SYNPO2L: variants seen among roughly 807,000 people sequenced by gnomAD.
SYNPO2L encodes the protein synaptopodin 2-like protein.
Under a neutral mutation model 47.5 loss-of-function variants are expected in SYNPO2L, and 34 were observed. The observed-to-expected ratio is 0.72, with a 90% CI of 0.54 to 0.95. SYNPO2L has a LOEUF of 0.95. Ranked by LOEUF, SYNPO2L falls within the 40% of genes least tolerant of loss-of-function variation. The pLI, the probability that SYNPO2L is intolerant of heterozygous loss-of-function variation, is 0.00. For synonymous variants in SYNPO2L, 536 were observed against 524.9 expected, an observed-to-expected ratio of 1.02 and a Z score of -0.29; for missense variants, 1,246 against 1,282.0, an observed-to-expected ratio of 0.97 and a Z score of 0.43.
At position 73,653,994 on chromosome 10, in the gene SYNPO2L, A is replaced by G. The variant is rs535919928; in HGVS notation, c.257+135T>C. 1.5e-4 allele frequency: 173 copies of G among 1,182,746 alleles called. No individual in the cohort carries two copies. The African/African-American group carries it at 2.5e-3, about 17-fold the overall frequency. 73.3% of individuals were successfully genotyped at this position (1,182,746 alleles called of 1,614,324 possible). A position where few individuals can be genotyped will look rare whatever the true frequency, so the allele number is the denominator to read the frequency against. ...GCCCTCTGGGAGGCAGACACAAACC[A>G]TCTGCACTCCAGCAGAAACGCACGA... On this transcript the variant is annotated intron_variant, in intron 2 of 3. Transcript: ENST00000394810.
At position 73,646,996 on chromosome 10, in the gene SYNPO2L, C is replaced by A; in HGVS notation, c.2656G>T (p.Glu886Ter). ...GCCGGAGTGGAAAACCGGCGAATCT[C>A]CTGGACTCGGGCAGTTTTGGGGGAC... Reference protein sequence around the residue: ...SGSPKTARVQEIRRFSTPAPQ... With the variant: ...SGSPKTARVQ The change falls in exon 4 of 4, where the codon GAG becomes TAG. Residue 886 changes from glutamate (E) to a stop codon, truncating the protein, a stop_gained. Transcript: ENST00000394810. LOFTEE classifies it high-confidence loss of function. 6.2e-7 allele frequency: 1 copy of A among 1,613,260 alleles called. No individual in the cohort carries two copies. The highest frequency in any genetic ancestry group is 1.1e-5 in the South Asian group (1 of 91,028).
chr10:73,645,503 G>A lies in SYNPO2L; in HGVS notation c.*1215C>T, dbSNP rs1230084773. On this transcript the variant is annotated 3_prime_UTR_variant, in exon 4 of 4. Transcript: ENST00000394810. The stretch of plus-strand genomic sequence containing the variant: ...TGAAGCCAATGATTTGTTCATTCTC[G>A]GAGGGAATTTTCTTTCTTTTTTTCA... 3 of 991,652 alleles carry A rather than the reference G, an allele frequency of 3.0e-6. No individual in the cohort carries two copies. Among genetic ancestry groups the A allele is most frequent in the South Asian group, 4.6e-5 (1 of 21,816 alleles). 61.4% of individuals were successfully genotyped at this position (991,652 alleles called of 1,614,324 possible).
In SYNPO2L at chr10:73,656,011, C is replaced by T. The variant is rs567984072; in HGVS notation, c.-89G>A. ...TCGAACCCCGTCTGGGCTTCCTGTC[C>T]GGCTGTCCTGCTCCTGCTGCCCCAG... On this transcript the variant is annotated 5_prime_UTR_variant, in exon 1 of 4. Coordinates refer to ENST00000394810, the MANE Select transcript of SYNPO2L (RefSeq NM_001114133.3). The T allele has an allele frequency of 3.5e-5, 40 of 1,145,042 alleles. No homozygotes were observed. Among genetic ancestry groups the T allele is most frequent in the African/African-American group, 3.0e-4 (19 of 63,826 alleles). The allele number at this position is 1,145,042 out of a possible 1,614,324, so 70.9% of individuals were successfully genotyped here.
In SYNPO2L at chr10:73,645,185, TCA is replaced by T. The variant is rs1400410529; in HGVS notation, c.*1531_*1532del. 1.7e-6 allele frequency: 2 copies of T among 1,162,972 alleles called. No homozygotes were observed. Among genetic ancestry groups the T allele is most frequent in the Non-Finnish European group, 2.2e-6 (2 of 929,348 alleles). 72.0% of individuals were successfully genotyped at this position (1,162,972 alleles called of 1,614,324 possible). The stretch of plus-strand genomic sequence containing the variant: ...CACTGAAGAACAGACTCAAGGAAAA[TCA>T]CACAGACACCAACCGTTCTTTCAAC... On this transcript the variant is annotated 3_prime_UTR_variant, in exon 4 of 4. Transcript: ENST00000394810.
chr10:73,651,307 TG>T (rs888423207), intron 3 of SYNPO2L, among the ~76,000 whole-genome samples: 15 of 151,988 alleles, frequency 9.9e-5, no homozygotes, highest in African/African-American at 3.6e-4. Context: ...GGGAGATAAG[TG>T]GAGAATTGAG....
At chr10:73,649,262 C>G (rs907232596) in intron 3 of SYNPO2L, among the ~76,000 whole-genome samples, 6 of 152,158 alleles carry the variant, frequency 3.9e-5, no homozygotes, top group Non-Finnish European at 8.8e-5. Context: ...CCGTGGCAGA[C>G]AGGGAGATAA....
At position 73,646,859 on chromosome 10, in the gene SYNPO2L, G is replaced by T. The variant is rs752275030; in HGVS notation, c.2793C>A (p.Ser931Arg). Residue 931 changes from serine (S) to arginine (R), a missense_variant, in exon 4 of 4, where the codon AGC (serine) becomes AGA (arginine). Coordinates refer to ENST00000394810, the MANE Select transcript of SYNPO2L (RefSeq NM_001114133.3). Reference protein sequence around the residue: ...RTELASAPVPSPAPPPEAPRG... With the variant: ...RTELASAPVPRPAPPPEAPRG... ...TGGGAGCCTCTGGAGGAGGGGCTGG[G>T]CTAGGAACAGGGGCTGAGGCCAGTT... 3.9e-5 allele frequency: 61 copies of T among 1,558,532 alleles called. No homozygotes were observed. In the East Asian group the frequency reaches 1.1e-3, roughly 28 times the overall value.
In SYNPO2L at chr10:73,648,695, T is replaced by C. The variant is rs772966189; in HGVS notation, c.957A>G (p.Thr319=). The change falls in exon 4 of 4, where the codon ACA becomes ACG. Residue 319 remains threonine, a synonymous_variant. Coordinates refer to ENST00000394810, the MANE Select transcript of SYNPO2L (RefSeq NM_001114133.3). ...GAACGCCGTCCTCCTCCTCAGCGCCTGTCCCAGCAGCAGCCCCGAAGCTCA... is the reference window on the plus strand; with the variant it reads ...GAACGCCGTCCTCCTCCTCAGCGCCCGTCCCAGCAGCAGCCCCGAAGCTCA... The part of the protein sequence containing the change: ...TLVSFGAAAG[T]GAEEEDGVPP... 2.5e-6 allele frequency: 4 copies of C among 1,609,994 alleles called. No individual in the cohort carries two copies. Among genetic ancestry groups the C allele is most frequent in the Admixed American group, 1.7e-5 (1 of 59,920 alleles).
rs1182379591 is a variant in SYNPO2L at position 73,645,066 on chromosome 10, G to A, written c.*1652C>T. ...TGAAGCTGAAAAGAAGCAATAGCTGGGGTTTTGAGGGATGGGGTGGGACTG... is the reference window on the plus strand; with the variant it reads ...TGAAGCTGAAAAGAAGCAATAGCTGAGGTTTTGAGGGATGGGGTGGGACTG... On this transcript the variant is annotated 3_prime_UTR_variant, in exon 4 of 4. Transcript: ENST00000394810. The A allele has an allele frequency of 7.9e-7, 1 of 1,261,638 alleles. No individual in the cohort carries two copies. The highest frequency in any genetic ancestry group is 1.6e-5 in the African/African-American group (1 of 62,762). The allele number at this position is 1,261,638 out of a possible 1,614,324, so 78.2% of individuals were successfully genotyped here.
chr10:73,650,678 C>T (rs943226330), intron 3 of SYNPO2L: 26 of 985,146 alleles, frequency 2.6e-5, no homozygotes, highest in African/African-American at 7.0e-5. Context: ...TACTCACACA[C>T]GCTCTGTTCC....
chr10:73,645,657 C>A lies in SYNPO2L; in HGVS notation c.*1061G>T, dbSNP rs1290202319. 1.0e-6 allele frequency: 1 copy of A among 985,956 alleles called. No individual in the cohort carries two copies. The allele number at this position is 985,956 out of a possible 1,614,324, so 61.1% of individuals were successfully genotyped here. On this transcript the variant is annotated 3_prime_UTR_variant, in exon 4 of 4. Coordinates refer to ENST00000394810, the MANE Select transcript of SYNPO2L (RefSeq NM_001114133.3). ...ACTCAGCCCATGCAAACTGTCCTGGCCCTTCAGTCTTTTCATGCTCCATAA... is the reference window on the plus strand; with the variant it reads ...ACTCAGCCCATGCAAACTGTCCTGGACCTTCAGTCTTTTCATGCTCCATAA...
In SYNPO2L at chr10:73,647,358, C is replaced by G; in HGVS notation, c.2294G>C (p.Arg765Pro). 2 of 1,614,038 alleles carry G rather than the reference C, an allele frequency of 1.2e-6. No individual in the cohort carries two copies. The highest frequency in any genetic ancestry group is 1.7e-6 in the Non-Finnish European group (2 of 1,179,996). ...QGRGGELFAKRQSRADRYVVE... is the reference protein window; with the variant it reads ...QGRGGELFAKPQSRADRYVVE... ...CACATACCTGTCCGCACGGCTCTGCCGCTTAGCAAACAGCTCCCCACCCCT... is the reference window on the plus strand; with the variant it reads ...CACATACCTGTCCGCACGGCTCTGCGGCTTAGCAAACAGCTCCCCACCCCT... The change falls in exon 4 of 4, where the codon CGG becomes CCG. Residue 765 changes from arginine to proline, a missense_variant. By Grantham distance (103) the Arg-to-Pro change is moderately radical. Around this residue, in one of 3 missense-constraint regions of SYNPO2L, gnomAD observed 1,037 missense variants for 1,021.5 expected, o/e 1.02. Coordinates refer to ENST00000394810, the MANE Select transcript of SYNPO2L (RefSeq NM_001114133.3).
At position 73,648,382 on chromosome 10, in the gene SYNPO2L, G is replaced by T; in HGVS notation, c.1270C>A (p.Arg424=). The part of the protein sequence containing the change: ...LNGEGLQSPP[R]AQSAPPEAAV... ...GCCTCTGGGGGAGCACTCTGGGCCC[G>T]AGGTGGTGACTGCAGGCCTTCCCCG... The change falls in exon 4 of 4, where the codon CGG becomes AGG. Residue 424 remains arginine, a synonymous_variant. Coordinates refer to ENST00000394810, the MANE Select transcript of SYNPO2L (RefSeq NM_001114133.3). The T allele has an allele frequency of 6.2e-7, 1 of 1,607,106 alleles. No homozygotes were observed. The highest frequency in any genetic ancestry group is 8.5e-7 in the Non-Finnish European group (1 of 1,179,636).
Position 73,648,656 on chromosome 10 carries a change from C to A in SYNPO2L, c.996G>T (p.Glu332Asp). 1 of 1,612,482 alleles carries A rather than the reference C, an allele frequency of 6.2e-7. No homozygotes were observed. Among genetic ancestry groups the A allele is most frequent in the Non-Finnish European group, 8.5e-7 (1 of 1,178,590 alleles). Residue 332 changes from glutamate to aspartate, a missense_variant, in exon 4 of 4, where the codon GAG becomes GAT. Glu to Asp is a conservative substitution (Grantham distance 45, BLOSUM62 2). Around this residue, in one of 3 missense-constraint regions of SYNPO2L, gnomAD observed 1,037 missense variants for 1,021.5 expected, o/e 1.02. Transcript: ENST00000394810. ...AGAAGGCTTCTTCGTCCAGCTCGGA[C>A]TCACTCGTGGGGGGAACGCCGTCCT... ...EEEDGVPPTS[E>D]SELDEEAFSD... is the part of the protein sequence containing the mutation.
Position 73,646,962 on chromosome 10 carries a change from G to T in SYNPO2L, c.2690C>A (p.Pro897His). The T allele has an allele frequency of 6.2e-7, 1 of 1,610,282 alleles. No individual in the cohort carries two copies. Among genetic ancestry groups the T allele is most frequent in the Middle Eastern group, 1.7e-4 (1 of 6,042 alleles). The change falls in exon 4 of 4, where the codon CCC (proline) becomes CAC (histidine). Residue 897 changes from proline (P) to histidine (H), a missense_variant. Around this residue, in one of 3 missense-constraint regions of SYNPO2L, gnomAD observed 1,037 missense variants for 1,021.5 expected, o/e 1.02. Coordinates refer to ENST00000394810, the MANE Select transcript of SYNPO2L (RefSeq NM_001114133.3). Reference protein sequence around the residue: ...IRRFSTPAPQPTAEPLAPTVL... With the variant: ...IRRFSTPAPQHTAEPLAPTVL... ...AGTGGGAGCCAGGGGTTCTGCAGTG[G>T]GCTGGGGTGCCGGAGTGGAAAACCG...
intron 3 of SYNPO2L, 111 bp downstream of exon 3, chr10:73,653,028 C>T (rs2081852984): frequency 7.6e-7 from 1 of 1,318,816 alleles, no homozygotes; most frequent in Admixed American, 3.1e-5. Context: ...CTCCTGTCCC[C>T]AAGACTGTAT....
intron 3 of SYNPO2L, 46 bp from the exon 4 acceptor site, chr10:73,648,925 C>T (rs1466483670): frequency 2.1e-6 from 3 of 1,457,128 alleles, no homozygotes; most frequent in Non-Finnish European, 2.7e-6. Context: ...TTCCCAGCCT[C>T]TTTTAGTCCT....
At chr10:73,655,694 A>T in intron 1 of SYNPO2L, 124 bp downstream of exon 1, 1 of 62,960 alleles carries the variant, frequency 1.6e-5, no homozygotes, top group Admixed American at 2.0e-4. Flanking sequence ...TTCCCTGCCC[A>T]CCACCCACCC....
Position 73,646,575 on chromosome 10 carries a change from G to A in SYNPO2L, c.*143C>T. On this transcript the variant is annotated 3_prime_UTR_variant, in exon 4 of 4. Transcript: ENST00000394810. ...GGTAGAGAGTGAGGAGGAAGGTGGG[G>A]GAAGGGGACATCAACTTGGAAACCA... The A allele has an allele frequency of 7.6e-7, 1 of 1,311,724 alleles. No individual in the cohort carries two copies. The highest frequency in any genetic ancestry group is 9.7e-7 in the Non-Finnish European group (1 of 1,028,144). The allele number at this position is 1,311,724 out of a possible 1,614,324, so 81.3% of individuals were successfully genotyped here.
Sources: gnomAD v4.1 joint callset for allele counts (sites outside exome capture counted in the v4.1 genomes callset) on GRCh38, gnomAD v4.1.1 for gene constraint, gnomAD v4.1.1 regional missense constraint, MANE v1.5 for transcripts, NCBI Gene and HGNC (gene_info 2026-07-23, HGNC 2026-07-21) for gene names.